The following TIPIN variants were observed in gnomAD, a reference collection of about 807,000 sequenced individuals.
The protein encoded by TIPIN is TIMELESS-interacting protein.
Under a neutral mutation model 35.6 loss-of-function variants are expected in TIPIN, and 29 were observed. That is an observed-to-expected ratio of 0.82 (90% CI 0.61 to 1.11). The LOEUF (loss-of-function observed/expected upper bound fraction) is 1.11. Among genes scored for constraint, TIPIN ranks in the 50% most tolerant of loss-of-function variants. The probability of loss-of-function intolerance (pLI) is 0.00; values close to 1 mark genes in which losing one functional copy is unlikely to be tolerated. For synonymous variants in TIPIN, 102 were observed against 121.5 expected, an observed-to-expected ratio of 0.84 and a Z score of 1.06; for missense variants, 296 against 345.4, an observed-to-expected ratio of 0.86 and a Z score of 1.13.
upstream of TIPIN, among the ~76,000 whole-genome samples, chr15:66,360,602 G>A (rs1319569717): frequency 6.6e-6 from 1 of 152,204 alleles, no homozygotes; most frequent in Non-Finnish European, 1.5e-5. Flanking sequence ...GGCCAAGGCA[G>A]GTGGATCACT....
chr15:66,382,398 T>TA (rs1213288070), intron 1 of TIPIN: 12 of 984,388 alleles, frequency 1.2e-5, no homozygotes, highest in Non-Finnish European at 1.4e-5. Flanking sequence ...TTTTCATCAC[T>TA]GGTTGTCCTT....
Position 66,349,339 on chromosome 15 carries a change from G to A in TIPIN, c.387C>T (p.Tyr129=), listed in dbSNP as rs969726593. Reference sequence around the variant, plus strand: ...CCTGAACTTCCTTTTTACTTCCCAGGTATTCAACTCTGTCAATAAAATCCT... The same window carrying A: ...CCTGAACTTCCTTTTTACTTCCCAGATATTCAACTCTGTCAATAAAATCCT... ...QFEDFIDRVE[Y]LGSKKEVQTC... is the part of the protein sequence containing the mutation. Residue 129 remains tyrosine (Y), a synonymous_variant, in exon 5 of 8, where the codon TAC becomes TAT. Coordinates refer to ENST00000261881, the MANE Select transcript of TIPIN (RefSeq NM_017858.3). 1.9e-6 allele frequency: 3 copies of A among 1,613,790 alleles called. No individual in the cohort carries two copies. Among genetic ancestry groups the A allele is most frequent in the Non-Finnish European group, 2.5e-6 (3 of 1,180,006 alleles).
chr15:66,381,228 G>A (rs2093317350), intron 1 of TIPIN, among the ~76,000 whole-genome samples: 1 of 152,094 alleles, frequency 6.6e-6, no homozygotes, highest in Non-Finnish European at 1.5e-5. Context: ...CTGAGGTCAG[G>A]AGTTCAAGAC....
chr15:66,351,959 T>C (rs946762024), intron 3 of TIPIN, among the ~76,000 whole-genome samples, 170 bp downstream of exon 3: 1 of 151,952 alleles, frequency 6.6e-6, no homozygotes, highest in Non-Finnish European at 1.5e-5. Flanking sequence ...TTTTCTAGAG[T>C]TTGGTCCAAA....
chr15:66,374,648 C>T (rs529215020), intron 1 of TIPIN, among the ~76,000 whole-genome samples: 24 of 152,196 alleles, frequency 1.6e-4, no homozygotes, highest in Admixed American at 4.6e-4. Context: ...GGTGCCGTCT[C>T]GGATCACCGC....
chr15:66,374,935 C>T (rs1337852840), intron 1 of TIPIN, among the ~76,000 whole-genome samples: 2 of 152,128 alleles, frequency 1.3e-5, no homozygotes, highest in East Asian at 3.9e-4. Flanking sequence ...GTCTCGAACT[C>T]CTGACCTCAA....
At chr15:66,382,959 G>A (rs1595826023) in intron 1 of TIPIN, 2 of 985,374 alleles carry the variant, frequency 2.0e-6, no homozygotes, top group Non-Finnish European at 2.4e-6. Context: ...AAGGAAATGA[G>A]GAAAACAAAT....
intron 1 of TIPIN, chr15:66,371,203 T>G: frequency 2.2e-6 from 2 of 909,058 alleles, no homozygotes; most frequent in Non-Finnish European, 2.6e-6. Context: ...AGAGGGAAAC[T>G]CTCAAAAAAA....
At chr15:66,379,925 A>T in intron 1 of TIPIN, 1 of 1,358,112 alleles carries the variant, frequency 7.4e-7, no homozygotes, top group Non-Finnish European at 1.0e-6. Context: ...CTCTCGCAGT[A>T]CACACGGCAA....
At chr15:66,360,894 A>G (rs1285068146), upstream of TIPIN, among the ~76,000 whole-genome samples, 3 of 152,306 alleles carry the variant, frequency 2.0e-5, no homozygotes, top group African/African-American at 7.2e-5. Context: ...TGAACCCAGG[A>G]GGCGGAGGTT....
chr15:66,353,502 T>C (rs994784725), intron 1 of TIPIN, among the ~76,000 whole-genome samples: 3 of 150,812 alleles, frequency 2.0e-5, no homozygotes, highest in Admixed American at 6.6e-5. Context: ...TGTAGTCCCA[T>C]CCACTCGGCA....
intron 1 of TIPIN, among the ~76,000 whole-genome samples, chr15:66,382,592 G>A (rs777765339): frequency 2.8e-4 from 42 of 152,114 alleles, no homozygotes; most frequent in Non-Finnish European, 5.3e-4. Context: ...CCAGGCTAGT[G>A]TTGAACTCCT....
intron 1 of TIPIN, among the ~76,000 whole-genome samples, chr15:66,367,351 C>T (rs769731931): frequency 3.3e-5 from 5 of 151,410 alleles, no homozygotes; most frequent in Admixed American, 6.6e-5. Flanking sequence ...ATACAAACAA[C>T]AGACACAAAA....
chr15:66,350,821 G>A (rs1846304103), intron 4 of TIPIN, among the ~76,000 whole-genome samples: 1 of 150,566 alleles, frequency 6.6e-6, no homozygotes, highest in African/African-American at 2.4e-5. Context: ...TGTAGTCCCA[G>A]CTACTCGGGA....
At chr15:66,386,673 T>A (rs1442736059) in exon 1 of TIPIN, 1 of 179,842 alleles carries the variant, frequency 5.6e-6, no homozygotes, top group Non-Finnish European at 1.2e-5. Flanking sequence ...AGACTTCTTC[T>A]CAGCTGGGTC....
At chr15:66,370,889 A>G (rs2093275328) in intron 1 of TIPIN, among the ~76,000 whole-genome samples, 1 of 152,162 alleles carries the variant, frequency 6.6e-6, no homozygotes, top group South Asian at 2.1e-4. Context: ...ATCCTATAAT[A>G]TCAACTGCAC....
chr15:66,379,094 G>A (rs1459840449), intron 1 of TIPIN, among the ~76,000 whole-genome samples: 2 of 151,370 alleles, frequency 1.3e-5, no homozygotes, highest in Non-Finnish European at 2.9e-5. Context: ...TTCCCATATT[G>A]CTCAGGCTGG....
chr15:66,351,783 G>T (rs1368361991), intron 3 of TIPIN, among the ~76,000 whole-genome samples, 183 bp from the exon 4 acceptor site: 1 of 151,954 alleles, frequency 6.6e-6, no homozygotes, highest in East Asian at 1.9e-4. Context: ...GGGACTACAG[G>T]CACCCACCAC....
intron 4 of TIPIN, among the ~76,000 whole-genome samples, chr15:66,351,302 T>C (rs1011739948): frequency 1.3e-5 from 2 of 152,198 alleles, no homozygotes; most frequent in African/African-American, 2.4e-5. Flanking sequence ...CAGGTGTGAT[T>C]TTCCTATAGC....
Sources: gnomAD v4.1 joint callset for allele counts (sites outside exome capture counted in the v4.1 genomes callset) on GRCh38, gnomAD v4.1.1 for gene constraint, MANE v1.5 for transcripts, NCBI Gene and HGNC (gene_info 2026-07-23, HGNC 2026-07-21) for gene names.